Variants in CCDC7 observed in about 807,000 individuals in gnomAD.
CCDC7 encodes coiled-coil domain containing 7, also known as coiled-coil domain-containing protein 7.
In CCDC7, 183 loss-of-function variants were observed where a neutral mutation model predicts 196.9. That is an observed-to-expected ratio of 0.93 (90% confidence interval 0.82 to 1.05). The LOEUF (loss-of-function observed/expected upper bound fraction) is 1.05, where lower values mean the gene tolerates loss of function less well. CCDC7 is among the 50% of genes least tolerant of loss of function. The pLI is 0.00. For synonymous variants in CCDC7, 525 were observed against 484.6 expected (o/e 1.08, Z -1.10); for missense variants, 1,540 against 1,482.2 (o/e 1.04, Z -0.64).
intron 20 of CCDC7, among the ~76,000 whole-genome samples, chr10:32,660,622 G>A (rs563196452): frequency 0.018 from 2,787 of 150,782 alleles, 70 homozygotes; most frequent in African/African-American, 0.064. Context: ...ATGATTTATA[G>A]TCCTTTGGGT....
At chr10:32,866,251 A>T (rs947703) in intron 41 of CCDC7, among the ~76,000 whole-genome samples, 138,870 of 151,732 alleles carry the variant, frequency 0.92, 64,754 homozygotes, top group East Asian at 1. Context: ...AAAGAAATAA[A>T]TGATAAGCTA....
At chr10:32,837,212 G>T (rs888960011) in intron 33 of CCDC7, among the ~76,000 whole-genome samples, 2 of 151,788 alleles carry the variant, frequency 1.3e-5, no homozygotes, top group East Asian at 1.9e-4. Context: ...TACAAAGAAC[G>T]CAAACAAATT....
intron 18 of CCDC7, among the ~76,000 whole-genome samples, chr10:32,619,858 A>C (rs1423760959): frequency 2.0e-5 from 3 of 149,292 alleles, no homozygotes; most frequent in Non-Finnish European, 4.4e-5. Context: ...CTCAGTCTCC[A>C]AAAGTGCTGA....
At chr10:32,800,431 A>G (rs987920983) in intron 29 of CCDC7, among the ~76,000 whole-genome samples, 2 of 152,158 alleles carry the variant, frequency 1.3e-5, no homozygotes, top group Admixed American at 1.3e-4. Context: ...CCACAGGGTG[A>G]GTCCAAGGAC....
downstream of CCDC7, chr10:32,876,524 G>T: frequency 4.7e-6 from 4 of 845,242 alleles, no homozygotes; most frequent in Non-Finnish European, 7.5e-6. Flanking sequence ...AAAACAGCTG[G>T]AAATACAGTG....
intron 15 of CCDC7, among the ~76,000 whole-genome samples, chr10:32,569,063 A>G (rs1193675895): frequency 6.6e-6 from 1 of 152,252 alleles, no homozygotes. Flanking sequence ...CAGTAACTAA[A>G]ACATCACATT....
At chr10:32,533,489 G>A (rs1008973388) in intron 11 of CCDC7, among the ~76,000 whole-genome samples, 24 of 151,826 alleles carry the variant, frequency 1.6e-4, no homozygotes, top group African/African-American at 4.4e-4. Flanking sequence ...TTACCAAGGC[G>A]TTTTATACCT....
At chr10:32,712,719 C>T (rs1025584673) in intron 25 of CCDC7, among the ~76,000 whole-genome samples, 2 of 152,202 alleles carry the variant, frequency 1.3e-5, no homozygotes, top group Non-Finnish European at 1.5e-5. Flanking sequence ...GCTGAAAGGA[C>T]ATTTGCTATG....
At chr10:32,677,409 T>C (rs2075187715) in intron 21 of CCDC7, among the ~76,000 whole-genome samples, 1 of 152,090 alleles carries the variant, frequency 6.6e-6, no homozygotes, top group South Asian at 2.1e-4. Context: ...CTTGTAAGGC[T>C]GGTCTAGTGT....
intron 28 of CCDC7, among the ~76,000 whole-genome samples, chr10:32,740,425 C>CT (rs2085633882): frequency 6.6e-6 from 1 of 152,106 alleles, no homozygotes; most frequent in African/African-American, 2.4e-5. Flanking sequence ...TCATATGTGG[C>CT]TTTTTTTCCA....
intron 18 of CCDC7, among the ~76,000 whole-genome samples, chr10:32,599,843 A>G (rs117310965): frequency 0.038 from 5,860 of 152,220 alleles, 117 homozygotes; most frequent in Middle Eastern, 0.051. Context: ...AGAGATAGGG[A>G]TAGAGTTTCA....
At chr10:32,779,690 G>A (rs1000128871) in intron 29 of CCDC7, among the ~76,000 whole-genome samples, 4 of 152,158 alleles carry the variant, frequency 2.6e-5, no homozygotes, top group Non-Finnish European at 4.4e-5. Flanking sequence ...ATGGCAAACT[G>A]AAAACATCCA....
chr10:32,814,669 A>G (rs2087984002), intron 31 of CCDC7, among the ~76,000 whole-genome samples: 1 of 152,222 alleles, frequency 6.6e-6, no homozygotes, highest in Non-Finnish European at 1.5e-5. Flanking sequence ...GGATGTGATA[A>G]GAAGATGAAT....
intron 18 of CCDC7, among the ~76,000 whole-genome samples, chr10:32,627,676 C>G (rs1208769551): frequency 6.6e-6 from 1 of 151,312 alleles, no homozygotes; most frequent in Non-Finnish European, 1.5e-5. Flanking sequence ...TGTTTACATA[C>G]ATTCCTTCTA....
At chr10:32,725,673 G>C (rs962673930) in intron 25 of CCDC7, among the ~76,000 whole-genome samples, 9 of 152,172 alleles carry the variant, frequency 5.9e-5, no homozygotes, top group African/African-American at 2.2e-4. Context: ...TTTTAGCTAT[G>C]GTGGAAGGGA....
chr10:32,569,359 A>G (rs951283028), intron 15 of CCDC7, among the ~76,000 whole-genome samples: 9 of 152,162 alleles, frequency 5.9e-5, no homozygotes, highest in African/African-American at 1.2e-4. Flanking sequence ...TATTAAAACT[A>G]TTTTTGCTGA....
chr10:32,645,809 T>C (rs2067668604), intron 20 of CCDC7, among the ~76,000 whole-genome samples: 1 of 152,080 alleles, frequency 6.6e-6, no homozygotes, highest in Admixed American at 6.6e-5. Context: ...CTCTAGGTTT[T>C]CCAATTTGTT....
chr10:32,643,969 G>T (rs1206796330), intron 20 of CCDC7, among the ~76,000 whole-genome samples: 7 of 151,638 alleles, frequency 4.6e-5, no homozygotes, highest in African/African-American at 1.5e-4. Context: ...TGGAAACTTT[G>T]ATTTCTGGCA....
At chr10:32,752,314 TATC>T (rs1180134389) in intron 28 of CCDC7, among the ~76,000 whole-genome samples, 1 of 152,106 alleles carries the variant, frequency 6.6e-6, no homozygotes, top group African/African-American at 2.4e-5. Context: ...CTTTATACAC[TATC>T]ATCCTATTCT....
Sources: allele counts gnomAD v4.1 joint callset (sites outside exome capture counted in the v4.1 genomes callset), GRCh38; gene constraint gnomAD v4.1.1; transcripts MANE v1.5; gene names NCBI Gene and HGNC (gene_info 2026-07-23, HGNC 2026-07-21).